Variants in RORA observed in about 807,000 individuals in gnomAD.
RORA encodes the protein RAR related orphan receptor A, also known as nuclear receptor ROR-alpha.
RORA carries 7 observed loss-of-function variants against 69.5 expected under a neutral mutation model. That is an observed-to-expected ratio of 0.10 (90% CI 0.06 to 0.19). The LOEUF (loss-of-function observed/expected upper bound fraction) is 0.19. RORA is among the 10% of genes least tolerant of loss of function. The pLI, the probability that RORA is intolerant of heterozygous loss-of-function variation, is 1.00. For synonymous variants in RORA, 261 were observed against 240.8 expected (o/e 1.08, Z -0.78); for missense variants, 457 against 663.0 (o/e 0.69, Z 3.41).
intron 1 of RORA, among the ~76,000 whole-genome samples, chr15:60,908,761 C>T (rs1396830498): frequency 1.3e-5 from 2 of 152,110 alleles, no homozygotes; most frequent in Non-Finnish European, 2.9e-5. Flanking sequence ...CCACAGAAAG[C>T]GTGGTTCTGC....
intron 1 of RORA, among the ~76,000 whole-genome samples, chr15:60,713,780 G>A (rs961895754): frequency 6.6e-6 from 1 of 152,160 alleles, no homozygotes; most frequent in Non-Finnish European, 1.5e-5. Flanking sequence ...TCTGGAACCT[G>A]TCATCTATGA....
chr15:60,901,760 G>C (rs1891399975), intron 1 of RORA, among the ~76,000 whole-genome samples: 2 of 152,130 alleles, frequency 1.3e-5, no homozygotes, highest in South Asian at 4.1e-4. Context: ...CTTGTTTCCT[G>C]CTCCACACTG....
intron 2 of RORA, among the ~76,000 whole-genome samples, chr15:60,647,818 A>G (rs931535175): frequency 1.3e-5 from 2 of 152,172 alleles, no homozygotes; most frequent in Admixed American, 1.3e-4. Context: ...CTGTATCTGG[A>G]TGAACGTGAC....
chr15:60,913,815 T>C (rs1208476474), intron 1 of RORA, among the ~76,000 whole-genome samples: 1 of 152,190 alleles, frequency 6.6e-6, no homozygotes, highest in Non-Finnish European at 1.5e-5. Context: ...CAACAAAAAA[T>C]ATTTATGCCC....
intron 2 of RORA, among the ~76,000 whole-genome samples, chr15:60,671,702 C>A (rs546048752): frequency 6.6e-6 from 1 of 151,596 alleles, no homozygotes; most frequent in African/African-American, 2.4e-5. Context: ...ACCTCTGCCT[C>A]CCGGGTTCAA....
At chr15:61,114,728 T>A (rs1318365899) in intron 1 of RORA, among the ~76,000 whole-genome samples, 1 of 152,186 alleles carries the variant, frequency 6.6e-6, no homozygotes, top group Non-Finnish European at 1.5e-5. Flanking sequence ...CGGATGGTTA[T>A]CCCTATACTT....
intron 1 of RORA, among the ~76,000 whole-genome samples, chr15:61,200,300 C>T (rs1477897918): frequency 1.3e-5 from 2 of 152,142 alleles, no homozygotes; most frequent in African/African-American, 4.8e-5. Flanking sequence ...GAGAAGCTCT[C>T]GCTCCTTTTT....
intron 1 of RORA, among the ~76,000 whole-genome samples, chr15:61,214,855 T>C (rs2080023941): frequency 6.8e-6 from 1 of 147,276 alleles, no homozygotes. Flanking sequence ...GTTTAACACC[T>C]TCTTGGACTT....
At chr15:60,510,038 C>T (rs1214470807) in intron 5 of RORA, among the ~76,000 whole-genome samples, 1 of 152,154 alleles carries the variant, frequency 6.6e-6, no homozygotes, top group Non-Finnish European at 1.5e-5. Flanking sequence ...TAAATTTTCA[C>T]TTAAAAGATG....
intron 1 of RORA, among the ~76,000 whole-genome samples, chr15:60,997,999 G>C (rs1455372407): frequency 6.6e-6 from 1 of 152,202 alleles, no homozygotes; most frequent in Non-Finnish European, 1.5e-5. Flanking sequence ...CGATGCTCCG[G>C]TGAAGATGGG....
chr15:60,616,970 T>C (rs1437633595), intron 2 of RORA, among the ~76,000 whole-genome samples: 1 of 152,180 alleles, frequency 6.6e-6, no homozygotes, highest in Non-Finnish European at 1.5e-5. Flanking sequence ...ATGGGCAAGA[T>C]TCATATAAAA....
At chr15:60,560,076 G>C (rs1457504554) in intron 2 of RORA, among the ~76,000 whole-genome samples, 4 of 151,760 alleles carry the variant, frequency 2.6e-5, no homozygotes, top group African/African-American at 9.7e-5. Context: ...GCCCATACCT[G>C]GCAAAGCAAA....
In RORA at chr15:60,840,900, C is replaced by T. The variant is rs538026667; in HGVS notation, c.167-162214G>A. 5.9e-5 allele frequency among the ~76,000 whole-genome samples: 9 copies of T among 152,268 alleles called. No homozygotes were observed. In the South Asian group the frequency reaches 1.9e-3, roughly 32 times the overall value. On this transcript the variant is annotated intron_variant, in intron 1 of 10. Coordinates refer to ENST00000335670, the MANE Select transcript of RORA (RefSeq NM_134261.3). ...AGCCCAGGCGATAGTTTTTCGAAAG[C>T]TGTTACCCAAAAAAAGCAACACTGA...
chr15:61,181,350 G>A (rs1233049473), intron 1 of RORA: 1 of 152,112 alleles, frequency 6.6e-6, no homozygotes, highest in African/African-American at 2.4e-5. Context: ...TCTCCTGGAA[G>A]AACATTGAGC....
At chr15:60,636,058 T>A (rs2069833794) in intron 2 of RORA, among the ~76,000 whole-genome samples, 1 of 152,186 alleles carries the variant, frequency 6.6e-6, no homozygotes. Context: ...GGTTAAATAG[T>A]CTCTCTGTGT....
chr15:60,715,408 C>A (rs923830825), intron 1 of RORA, among the ~76,000 whole-genome samples: 1 of 152,194 alleles, frequency 6.6e-6, no homozygotes, highest in African/African-American at 2.4e-5. Flanking sequence ...AGTGTCCCAG[C>A]GACAGGCTGG....
chr15:61,017,315 A>T (rs1356006310), intron 1 of RORA, among the ~76,000 whole-genome samples: 1 of 152,222 alleles, frequency 6.6e-6, no homozygotes, highest in Non-Finnish European at 1.5e-5. Flanking sequence ...GGTGAAAGTG[A>T]TTGTTACATA....
intron 1 of RORA, among the ~76,000 whole-genome samples, chr15:60,903,124 A>T (rs1354982754): frequency 2.0e-5 from 3 of 152,178 alleles, no homozygotes; most frequent in African/African-American, 7.2e-5. Context: ...CCAGTGGTCA[A>T]GTCAACTGGC....
intron 1 of RORA, among the ~76,000 whole-genome samples, chr15:61,202,752 G>A (rs564719271): frequency 6.6e-6 from 1 of 152,132 alleles, no homozygotes; most frequent in East Asian, 1.9e-4. Context: ...CCATCTACCT[G>A]GAATTCCAGG....
Sources: allele counts gnomAD v4.1 joint callset (sites outside exome capture counted in the v4.1 genomes callset), GRCh38; gene constraint gnomAD v4.1.1; transcripts MANE v1.5; gene names NCBI Gene and HGNC (gene_info 2026-07-23, HGNC 2026-07-21).